Variants in SH3BGRL2 observed in about 807,000 individuals in gnomAD.
SH3BGRL2 encodes the protein SH3 domain binding glutamate rich protein like 2, also known as SH3 domain-binding glutamic acid-rich-like protein 2.
Under a neutral mutation model 14.8 loss-of-function variants are expected in SH3BGRL2, and 21 were observed. The ratio of observed to expected loss-of-function variants is 1.42; its 90% CI spans 1.01 to 2.05. The LOEUF (loss-of-function observed/expected upper bound fraction) is 2.05, where lower values mean the gene tolerates loss of function less well. SH3BGRL2 is among the 30% of genes most tolerant of loss of function. The probability of loss-of-function intolerance (pLI) is 0.00; values close to 1 mark genes in which losing one functional copy is unlikely to be tolerated. For missense variants in SH3BGRL2, 147 were observed against 130.8 expected (o/e 1.12, Z -0.61); for synonymous variants, 50 against 47.8 (o/e 1.05, Z -0.19).
intron 1 of SH3BGRL2, among the ~76,000 whole-genome samples, chr6:79,672,419 A>AT (rs1053999307): frequency 4.0e-5 from 6 of 150,460 alleles, no homozygotes; most frequent in South Asian, 2.1e-4. Flanking sequence ...ATTTTTCTCC[A>AT]TTTTTTTTTA....
At chr6:79,596,861 G>C in the SH3BGRL2 span, among the ~76,000 whole-genome samples, 4 of 152,148 alleles carry the variant, frequency 2.6e-5, no homozygotes, top group Non-Finnish European at 5.9e-5. Context: ...ATGGAAATCT[G>C]GAAAATTCAT....
intron 1 of SH3BGRL2, among the ~76,000 whole-genome samples, chr6:79,655,975 G>A (rs897232950): frequency 6.6e-6 from 1 of 152,196 alleles, no homozygotes; most frequent in Admixed American, 6.5e-5. Flanking sequence ...GGAGAGTTGG[G>A]CACTTCTTAT....
intron 1 of SH3BGRL2, among the ~76,000 whole-genome samples, chr6:79,669,046 A>G (rs974217221): frequency 1.1e-4 from 16 of 152,160 alleles, no homozygotes; most frequent in Non-Finnish European, 1.9e-4. Flanking sequence ...CTTAGTTTGA[A>G]TAGTTTCTCT....
rs539228859 is a variant in SH3BGRL2, at chr6:79,694,852, C to A, written c.232-1633C>A. The stretch of plus-strand genomic sequence containing the variant: ...TCAGCTCGGCTGCCACCATTGCTTA[C>A]TGCAATTGCCAAAGTACTCCCCTTT... On this transcript the variant is annotated intron_variant, in intron 2 of 3. Coordinates refer to ENST00000369838, the MANE Select transcript of SH3BGRL2 (RefSeq NM_031469.4). 3.9e-5 allele frequency among the ~76,000 whole-genome samples: 6 copies of A among 152,338 alleles called. No homozygotes were observed. The East Asian group carries it at 1.2e-3, about 29-fold the overall frequency.
chr6:79,655,013 A>G (rs1332979200), intron 1 of SH3BGRL2, among the ~76,000 whole-genome samples: 2 of 152,206 alleles, frequency 1.3e-5, no homozygotes, highest in Non-Finnish European at 1.5e-5. Context: ...AATTAATGAC[A>G]CAGTGAAAAT....
intron 2 of SH3BGRL2, among the ~76,000 whole-genome samples, chr6:79,688,909 C>A (rs923262443): frequency 6.6e-6 from 1 of 151,948 alleles, no homozygotes; most frequent in African/African-American, 2.4e-5. Context: ...TATTTATGTA[C>A]TTTAGGATTC....
At chr6:79,689,083 A>G (rs1454732116) in intron 2 of SH3BGRL2, among the ~76,000 whole-genome samples, 1 of 152,182 alleles carries the variant, frequency 6.6e-6, no homozygotes. Flanking sequence ...TCATCTATCT[A>G]CATGACAGAA....
chr6:79,630,138 T>C (rs1257024947), upstream of SH3BGRL2, among the ~76,000 whole-genome samples: 1 of 152,218 alleles, frequency 6.6e-6, no homozygotes, highest in African/African-American at 2.4e-5. Context: ...GTCTCTTCTA[T>C]TATTGAAGGA....
At chr6:79,616,619 A>AT in the SH3BGRL2 span, among the ~76,000 whole-genome samples, 1 of 152,266 alleles carries the variant, frequency 6.6e-6, no homozygotes, top group East Asian at 1.9e-4. Flanking sequence ...CCGCATCCAG[A>AT]TTTTTCTGAC....
the SH3BGRL2 span, among the ~76,000 whole-genome samples, chr6:79,589,208 T>TATATA: frequency 2.3e-4 from 18 of 79,680 alleles, no homozygotes; most frequent in Admixed American, 7.3e-4. Flanking sequence ...ATATATATAT[T>TATATA]TTTTTTTTTT....
the SH3BGRL2 span, among the ~76,000 whole-genome samples, chr6:79,568,890 T>G: frequency 6.6e-6 from 1 of 152,158 alleles, no homozygotes; most frequent in Non-Finnish European, 1.5e-5. Flanking sequence ...TAATTAAAAA[T>G]GAATTTTTTT....
chr6:79,637,513 T>C (rs943860177), intron 1 of SH3BGRL2, among the ~76,000 whole-genome samples: 9 of 152,064 alleles, frequency 5.9e-5, no homozygotes, highest in African/African-American at 1.4e-4. Context: ...CAGTATATAG[T>C]GAAACCCCAT....
At chr6:79,561,390 A>G in the SH3BGRL2 span, 1 of 152,120 alleles carries the variant, frequency 6.6e-6, no homozygotes, top group East Asian at 1.9e-4. Context: ...AGAACAATGT[A>G]TGGTTGTACT....
At chr6:79,663,502 A>G (rs1327498080) in intron 1 of SH3BGRL2, among the ~76,000 whole-genome samples, 1 of 152,284 alleles carries the variant, frequency 6.6e-6, no homozygotes, top group African/African-American at 2.4e-5. Flanking sequence ...ATATTGCAGA[A>G]CAGCAAATGT....
the SH3BGRL2 span, among the ~76,000 whole-genome samples, chr6:79,611,031 C>T: frequency 6.6e-6 from 1 of 152,156 alleles, no homozygotes; most frequent in African/African-American, 2.4e-5. Context: ...GAAAGTTAGA[C>T]TTTGTCATTT....
the SH3BGRL2 span, among the ~76,000 whole-genome samples, chr6:79,554,795 A>G: frequency 1.3e-5 from 2 of 152,158 alleles, no homozygotes; most frequent in Non-Finnish European, 2.9e-5. Context: ...AAAATGGAAA[A>G]TATAATGATT....
chr6:79,593,026 T>G, the SH3BGRL2 span, among the ~76,000 whole-genome samples: 63 of 152,296 alleles, frequency 4.1e-4, no homozygotes, highest in African/African-American at 1.5e-3. Context: ...TTAAACCCTC[T>G]TGATGGTATA....
the SH3BGRL2 span, among the ~76,000 whole-genome samples, chr6:79,591,232 T>G: frequency 6.6e-6 from 1 of 152,190 alleles, no homozygotes; most frequent in African/African-American, 2.4e-5. Flanking sequence ...TAGAGGAGTA[T>G]TTTATAATAG....
the SH3BGRL2 span, among the ~76,000 whole-genome samples, chr6:79,599,951 G>A: frequency 2.6e-5 from 4 of 152,128 alleles, no homozygotes; most frequent in Admixed American, 2.6e-4. Flanking sequence ...GGCTGGTGGG[G>A]CTGAGGAGAA....
Sources: gnomAD v4.1 joint callset for allele counts (sites outside exome capture counted in the v4.1 genomes callset) on GRCh38, gnomAD v4.1.1 for gene constraint, MANE v1.5 for transcripts, NCBI Gene and HGNC (gene_info 2026-07-23, HGNC 2026-07-21) for gene names.